Variants in FUBP3 observed in about 807,000 individuals in gnomAD.
FUBP3 encodes far upstream element-binding protein 3.
Under a neutral mutation model 85.6 loss-of-function variants are expected in FUBP3, and 28 were observed. That is an observed-to-expected ratio of 0.33 (90% CI 0.24 to 0.45). FUBP3 has a LOEUF of 0.45. Among genes scored for constraint, FUBP3 ranks in the 20% least tolerant of loss-of-function variants. The pLI, the probability that FUBP3 is intolerant of heterozygous loss-of-function variation, is 1.00. For missense variants in FUBP3, 583 were observed against 755.1 expected, an observed-to-expected ratio of 0.77 and a Z score of 2.67; for synonymous variants, 271 against 271.4, an observed-to-expected ratio of 1.00 and a Z score of 0.01.
Position 130,614,297 on chromosome 9 carries a change from G to T in FUBP3, c.356G>T (p.Gly119Val). The T allele has an allele frequency of 6.2e-7, 1 of 1,601,648 alleles. No homozygotes were observed. Reference sequence around the variant, plus strand: ...TTGATTCTTCTTATAGAGAGTTCTGGGATTCCAGAGAGGCCCTGTGTACTT... The same window carrying T: ...TTGATTCTTCTTATAGAGAGTTCTGTGATTCCAGAGAGGCCCTGTGTACTT... Reference protein sequence around the residue: ...CKIQIASESSGIPERPCVLTG... With the variant: ...CKIQIASESSVIPERPCVLTG... The change falls in exon 6 of 19, where the codon GGG (glycine) becomes GTG (valine). Residue 119 changes from glycine (G) to valine (V), a missense_variant. By Grantham distance (109) the Gly-to-Val change is moderately radical (BLOSUM62 -3). Around this residue, in one of 3 missense-constraint regions of FUBP3, gnomAD observed 177 missense variants for 221.9 expected, o/e 0.80. Transcript: ENST00000319725.
chr9:130,586,561 A>G (rs373553837), intron 1 of FUBP3, among the ~76,000 whole-genome samples: 28 of 152,096 alleles, frequency 1.8e-4, no homozygotes, highest in African/African-American at 6.5e-4. Flanking sequence ...AATAAGGGCT[A>G]TTAATTCTCA....
At chr9:130,628,094 GCACGCACGCGCA>G (rs1830058844) in intron 12 of FUBP3, among the ~76,000 whole-genome samples, 6 of 119,426 alleles carry the variant, frequency 5.0e-5, no homozygotes, top group Non-Finnish European at 3.6e-5. Flanking sequence ...ACGCACGCAC[GCACGCACGCGCA>G]CACACACACA....
chr9:130,586,339 T>C (rs759722434), intron 1 of FUBP3, among the ~76,000 whole-genome samples: 12 of 152,238 alleles, frequency 7.9e-5, no homozygotes, highest in Admixed American at 1.3e-4. Flanking sequence ...TTTTATCTTA[T>C]TGCGGAATTC....
At chr9:130,618,288 G>A (rs530570799) in intron 8 of FUBP3, among the ~76,000 whole-genome samples, 2 of 152,176 alleles carry the variant, frequency 1.3e-5, no homozygotes, top group Admixed American at 6.5e-5. Context: ...ATCCTTCCAG[G>A]TGCAGTTTTG....
chr9:130,600,679 A>G (rs1243993047), intron 2 of FUBP3, among the ~76,000 whole-genome samples: 2 of 151,968 alleles, frequency 1.3e-5, no homozygotes, highest in African/African-American at 2.4e-5. Flanking sequence ...ACCTGATAGT[A>G]AGCATTTTAG....
intron 11 of FUBP3, among the ~76,000 whole-genome samples, chr9:130,624,642 TG>T (rs1361597213): frequency 6.6e-6 from 1 of 151,014 alleles, no homozygotes; most frequent in African/African-American, 2.5e-5. Flanking sequence ...TGTGTGTGTG[TG>T]TGTGTGTGTT....
At chr9:130,582,281 T>C (rs530865997) in intron 1 of FUBP3, among the ~76,000 whole-genome samples, 2 of 151,980 alleles carry the variant, frequency 1.3e-5, no homozygotes, top group Non-Finnish European at 2.9e-5. Flanking sequence ...CGAGACCTTG[T>C]CTCTACTAAA....
In FUBP3 at chr9:130,617,753, C is replaced by T. The variant is rs371573931; in HGVS notation, c.568-44C>T. The T allele has an allele frequency of 2.3e-4, 263 of 1,168,880 alleles. 5 individuals are homozygous for T. The South Asian group carries it at 3.0e-3, about 14-fold the overall frequency. The allele number at this position is 1,168,880 out of a possible 1,614,324, so 72.4% of individuals were successfully genotyped here. ...ATTTTGTGCTGCCCTGCATTTCATG[C>T]CCTGCATTATTCATGAGGCTGTGCT... On this transcript the variant is annotated intron_variant, in intron 7 of 18. Coordinates refer to ENST00000319725, the MANE Select transcript of FUBP3 (RefSeq NM_003934.2).
chr9:130,620,719 A>G (rs964003181), intron 9 of FUBP3, among the ~76,000 whole-genome samples: 2 of 152,196 alleles, frequency 1.3e-5, no homozygotes, highest in African/African-American at 4.8e-5. Flanking sequence ...TTGCCCAGGT[A>G]AAAACCAAAG....
At chr9:130,630,813 C>G (rs377421621) in intron 13 of FUBP3, 25 bp downstream of exon 13, 65 of 1,435,184 alleles carry the variant, frequency 4.5e-5, no homozygotes, top group Non-Finnish European at 5.7e-5. Context: ...CTTCCCCCAC[C>G]TGGTTTACTC....
chr9:130,612,373 G>A lies in FUBP3; in HGVS notation c.225-83G>A. 1 of 796,082 alleles carries A rather than the reference G, an allele frequency of 1.3e-6. No homozygotes were observed. Among genetic ancestry groups the A allele is most frequent in the South Asian group, 1.5e-5 (1 of 67,104 alleles). The allele number at this position is 796,082 out of a possible 1,614,324, so 49.3% of individuals were successfully genotyped here. A position where few individuals can be genotyped will look rare whatever the true frequency, so the allele number is the denominator to read the frequency against. On this transcript the variant is annotated intron_variant, in intron 3 of 18. Coordinates refer to ENST00000319725, the MANE Select transcript of FUBP3 (RefSeq NM_003934.2). The surrounding 1 kb of genome is among the most constrained non-coding windows in gnomAD (Gnocchi z 4.1). ...TTTTAAGCTTTTATCATGCAACATT[G>A]CCAGTATGGGCAGTTTGGGGACCTA...
rs1242585417 is a variant in FUBP3, at chr9:130,617,909, A to G, written c.666+14A>G. ...TTTAAAGTACAGGTAGGAAAGTGCCATGGGTTGGGTGAGTCCTGGCTGTTG... is the reference window on the plus strand; with the variant it reads ...TTTAAAGTACAGGTAGGAAAGTGCCGTGGGTTGGGTGAGTCCTGGCTGTTG... On this transcript the variant is annotated intron_variant, in intron 8 of 18. Transcript: ENST00000319725. 9.4e-6 allele frequency: 13 copies of G among 1,387,976 alleles called. No homozygotes were observed. The highest frequency in any genetic ancestry group is 2.3e-5 in the East Asian group (1 of 43,588). 86.0% of individuals were successfully genotyped at this position (1,387,976 alleles called of 1,614,324 possible). A position where few individuals can be genotyped will look rare whatever the true frequency, so the allele number is the denominator to read the frequency against.
chr9:130,636,218 G>A (rs758208987), intron 18 of FUBP3, 92 bp downstream of exon 18: 19 of 1,313,052 alleles, frequency 1.4e-5, no homozygotes, highest in Non-Finnish European at 1.7e-5. Context: ...GGATGAGAGC[G>A]CTGGGCTAGG....
At chr9:130,601,801 A>ATTTTTTT (rs113638192) in intron 2 of FUBP3, among the ~76,000 whole-genome samples, 13,691 of 116,652 alleles carry the variant, frequency 0.12, 1,515 homozygotes, top group East Asian at 0.23. Flanking sequence ...ATAATTCCTA[A>ATTTTTTT]TTTTTTTTTT....
intron 13 of FUBP3, chr9:130,631,090 T>G: frequency 8.8e-7 from 1 of 1,130,258 alleles, no homozygotes; most frequent in Non-Finnish European, 1.1e-6. Flanking sequence ...CCCCCCACGC[T>G]GCCCCGGGAC....
At chr9:130,598,166 A>G (rs2119032985) in intron 2 of FUBP3, among the ~76,000 whole-genome samples, 1 of 152,336 alleles carries the variant, frequency 6.6e-6, no homozygotes, top group East Asian at 1.9e-4. Flanking sequence ...ATCAATACTG[A>G]TAATCTCTTT....
rs373748875 is a variant in FUBP3, at chr9:130,612,912, A to G, written c.275-44A>G. On this transcript the variant is annotated intron_variant, in intron 4 of 18. Coordinates refer to ENST00000319725, the MANE Select transcript of FUBP3 (RefSeq NM_003934.2). The surrounding 1 kb of genome is among the most constrained non-coding windows in gnomAD (Gnocchi z 4.1). ...TTCAGTCATTCCTGCGTGGTGAAAT[A>G]TGGAATAGGGGCGTGTATTCTGACC... The G allele has an allele frequency of 9.4e-6, 12 of 1,277,398 alleles. No homozygotes were observed. The highest frequency in any genetic ancestry group is 1.4e-5 in the Non-Finnish European group (12 of 876,246). The allele number at this position is 1,277,398 out of a possible 1,614,324, so 79.1% of individuals were successfully genotyped here.
chr9:130,589,691 ATATATATATATATATTTTTTTTT>A (rs1373698102), intron 1 of FUBP3, among the ~76,000 whole-genome samples: 2 of 28,996 alleles, frequency 6.9e-5, no homozygotes, highest in Admixed American at 4.9e-4. Flanking sequence ...ATATATATAT[ATATATATATATATATTTTTTTTT>A]TTTTTTTTTT....
intron 1 of FUBP3, among the ~76,000 whole-genome samples, chr9:130,589,430 A>G (rs1588115240): frequency 6.7e-6 from 1 of 149,924 alleles, no homozygotes. Flanking sequence ...TGCAAGCTCC[A>G]CCTCCTGGGT....
Sources: gnomAD v4.1 joint callset for allele counts (sites outside exome capture counted in the v4.1 genomes callset) on GRCh38, gnomAD v4.1.1 for gene constraint, gnomAD v4.1.1 regional missense constraint, Gnocchi (gnomAD v3.1) non-coding constraint, MANE v1.5 for transcripts, NCBI Gene and HGNC (gene_info 2026-07-23, HGNC 2026-07-21) for gene names.